The following SOBP variants were observed in gnomAD, a reference collection of about 807,000 sequenced individuals.
SOBP encodes sine oculis binding protein homolog.
SOBP carries 4 observed loss-of-function variants against 53.6 expected under a neutral mutation model. The ratio of observed to expected loss-of-function variants is 0.07; its 90% confidence interval spans 0.04 to 0.17. SOBP has a LOEUF of 0.17. Ranked by LOEUF, SOBP falls within the 10% of genes least tolerant of loss-of-function variation. SOBP has a pLI of 1.00. For missense variants in SOBP, 1,088 were observed against 1,204.7 expected, an observed-to-expected ratio of 0.90 and a Z score of 1.43; for synonymous variants, 584 against 522.6, an observed-to-expected ratio of 1.12 and a Z score of -1.60.
At chr6:107,515,856 A>G (rs2114963408) in intron 3 of SOBP, among the ~76,000 whole-genome samples, 1 of 152,242 alleles carries the variant, frequency 6.6e-6, no homozygotes, top group East Asian at 1.9e-4. Context: ...ATGGTAATAC[A>G]TCATGACTAA....
chr6:107,656,375 C>T (rs1304863487), intron 6 of SOBP, among the ~76,000 whole-genome samples: 1 of 141,366 alleles, frequency 7.1e-6, no homozygotes, highest in East Asian at 2.3e-4. Flanking sequence ...GAAAGTAAGT[C>T]AAATGTGAGC....
chr6:107,627,586 A>AAG (rs932717771), intron 5 of SOBP, among the ~76,000 whole-genome samples: 1 of 151,934 alleles, frequency 6.6e-6, no homozygotes, highest in East Asian at 1.9e-4. Flanking sequence ...AATCTTATTT[A>AAG]AGAGAGAGAG....
chr6:107,577,373 C>G (rs1361070896), intron 4 of SOBP, among the ~76,000 whole-genome samples: 1 of 152,212 alleles, frequency 6.6e-6, no homozygotes, highest in Admixed American at 6.5e-5. Flanking sequence ...GGCCAACTGG[C>G]TTTTGGTGCT....
chr6:107,543,498 A>G (rs1177574593), intron 4 of SOBP, among the ~76,000 whole-genome samples: 2 of 152,230 alleles, frequency 1.3e-5, no homozygotes, highest in South Asian at 2.1e-4. Context: ...GCATGAGCCA[A>G]TCAGGGCTTC....
intron 4 of SOBP, among the ~76,000 whole-genome samples, chr6:107,566,803 G>A (rs1005878595): frequency 6.6e-6 from 1 of 152,134 alleles, no homozygotes; most frequent in East Asian, 1.9e-4. Flanking sequence ...GGAGGAAATC[G>A]GACTGAAGCT....
intron 1 of SOBP, among the ~76,000 whole-genome samples, chr6:107,498,434 CTTT>C (rs1435172971): frequency 6.6e-6 from 1 of 152,154 alleles, no homozygotes; most frequent in African/African-American, 2.4e-5. Flanking sequence ...ATCACCAGTT[CTTT>C]TTGAAGATTT....
intron 4 of SOBP, among the ~76,000 whole-genome samples, chr6:107,581,815 T>A (rs555526970): frequency 6.6e-6 from 1 of 152,330 alleles, no homozygotes; most frequent in East Asian, 1.9e-4. Context: ...AATGGCCCCT[T>A]TTTTCTCCTC....
At chr6:107,562,153 C>T (rs1031486904) in intron 4 of SOBP, among the ~76,000 whole-genome samples, 5 of 151,612 alleles carry the variant, frequency 3.3e-5, no homozygotes, top group Non-Finnish European at 7.4e-5. Context: ...GCCTCAGCAT[C>T]CTGAGTAGCT....
intron 6 of SOBP, among the ~76,000 whole-genome samples, chr6:107,650,041 G>C (rs1040916502): frequency 5.9e-5 from 9 of 152,184 alleles, no homozygotes; most frequent in African/African-American, 2.2e-4. Context: ...ATCCCAGTAG[G>C]GAGTCTTACA....
At chr6:107,609,949 C>T (rs1222923635) in intron 5 of SOBP, among the ~76,000 whole-genome samples, 1 of 152,158 alleles carries the variant, frequency 6.6e-6, no homozygotes, top group African/African-American at 2.4e-5. Context: ...GACCTCTCTT[C>T]CCACTCTAAA....
intron 5 of SOBP, among the ~76,000 whole-genome samples, chr6:107,628,060 G>A (rs897088602): frequency 5.3e-5 from 8 of 152,188 alleles, no homozygotes; most frequent in African/African-American, 1.9e-4. Context: ...CAAGCAGATC[G>A]TCCATCAGCT....
At chr6:107,630,754 C>CTG (rs1231270439) in intron 5 of SOBP, among the ~76,000 whole-genome samples, 2 of 10,328 alleles carry the variant, frequency 1.9e-4, no homozygotes, top group Non-Finnish European at 1.2e-3. Flanking sequence ...CACTCTGTCT[C>CTG]TCTCTCTCTC....
chr6:107,530,438 G>A (rs1265841787), intron 3 of SOBP, among the ~76,000 whole-genome samples: 1 of 152,040 alleles, frequency 6.6e-6, no homozygotes, highest in Non-Finnish European at 1.5e-5. Flanking sequence ...ATAAGATGGG[G>A]ACACCATCTC....
intron 3 of SOBP, among the ~76,000 whole-genome samples, chr6:107,523,030 A>T (rs1783559700): frequency 6.6e-6 from 1 of 152,180 alleles, no homozygotes; most frequent in Non-Finnish European, 1.5e-5. Context: ...AGGGTTGTGT[A>T]TGCAGCTTTG....
In SOBP at chr6:107,602,568, TA is replaced by T. The variant is rs71810335; in HGVS notation, c.669+15412del. ...CCTCTGCATAGCAACTAAGCCGCGTTAAAAAAAAAAAAAAAAAAAGGAAAGG... is the reference window on the plus strand; with the variant it reads ...CCTCTGCATAGCAACTAAGCCGCGTTAAAAAAAAAAAAAAAAAAGGAAAGG... On this transcript the variant is annotated intron_variant, in intron 5 of 6. Coordinates refer to ENST00000317357, the MANE Select transcript of SOBP (RefSeq NM_018013.4). Among the ~76,000 whole-genome samples the T allele has an allele frequency of 2.2e-3, 229 of 102,756 alleles. 1 individual carries two copies. The highest frequency in any genetic ancestry group is 5.3e-3 in the Admixed American group (49 of 9,316). 67.4% of individuals were successfully genotyped at this position (102,756 alleles called of 152,430 possible).
At chr6:107,544,178 T>G (rs565163751) in intron 4 of SOBP, among the ~76,000 whole-genome samples, 22 of 152,306 alleles carry the variant, frequency 1.4e-4, no homozygotes, top group African/African-American at 5.3e-4. Flanking sequence ...ACTATCTTTG[T>G]GGCTGAAAAC....
At chr6:107,642,118 A>G (rs909504973) in intron 6 of SOBP, among the ~76,000 whole-genome samples, 1 of 152,238 alleles carries the variant, frequency 6.6e-6, no homozygotes, top group Non-Finnish European at 1.5e-5. Flanking sequence ...AAAATAAACA[A>G]TTTAGCACTG....
intron 3 of SOBP, among the ~76,000 whole-genome samples, chr6:107,506,966 C>T (rs999712154): frequency 2.6e-5 from 4 of 151,194 alleles, no homozygotes; most frequent in Non-Finnish European, 4.4e-5. Context: ...CTCGGGAGGC[C>T]GAGGCAGAAG....
At chr6:107,657,057 C>T (rs1026607871) in intron 6 of SOBP, among the ~76,000 whole-genome samples, 2 of 152,212 alleles carry the variant, frequency 1.3e-5, no homozygotes, top group African/African-American at 4.8e-5. Context: ...GTGTGTCGAG[C>T]GCCCACAGCG....
Sources: allele counts gnomAD v4.1 joint callset (sites outside exome capture counted in the v4.1 genomes callset), GRCh38; gene constraint gnomAD v4.1.1; transcripts MANE v1.5; gene names NCBI Gene and HGNC (gene_info 2026-07-23, HGNC 2026-07-21).